Variants in MYH14 observed in about 807,000 individuals in gnomAD.
The protein encoded by MYH14 is myosin-14.
MYH14 carries 123 observed loss-of-function variants against 255.5 expected under a neutral mutation model. The observed-to-expected ratio is 0.48, with a 90% CI of 0.42 to 0.56. The LOEUF (loss-of-function observed/expected upper bound fraction) is 0.56. Among genes scored for constraint, MYH14 ranks in the 20% least tolerant of loss-of-function variants. The pLI is 0.00. For missense variants in MYH14, 2,423 were observed against 2,802.3 expected, an observed-to-expected ratio of 0.86 and a Z score of 3.06; for synonymous variants, 1,095 against 1,161.2, an observed-to-expected ratio of 0.94 and a Z score of 1.16.
chr19:50,238,642 G>A (rs756184877), intron 10 of MYH14, among the ~76,000 whole-genome samples: 7 of 151,962 alleles, frequency 4.6e-5, no homozygotes, highest in Non-Finnish European at 1.0e-4. Context: ...TGGTAGAGTC[G>A]GGGTTCACCA....
At position 50,257,398 on chromosome 19, in the gene MYH14, A is replaced by G. The variant is rs2034631740; in HGVS notation, c.2144A>G (p.Tyr715Cys). 2 of 1,608,350 alleles carry G rather than the reference A, an allele frequency of 1.2e-6. No individual in the cohort carries two copies. The highest frequency in any genetic ancestry group is 1.7e-6 in the Non-Finnish European group (2 of 1,177,384). The change falls in exon 18 of 43, where the codon TAC (tyrosine) becomes TGC (cysteine). Residue 715 changes from tyrosine (Y) to cysteine (C), a missense_variant. By Grantham distance (194) the Tyr-to-Cys change is radical (BLOSUM62 -2). Transcript: ENST00000642316. ...RGMFRTVGQL[Y>C]KESLSRLMAT... Reference sequence around the variant, plus strand: ...ATGTTCCGGACAGTGGGACAGCTCTACAAGGAGTCCCTGAGCCGCCTCATG... The same window carrying G: ...ATGTTCCGGACAGTGGGACAGCTCTGCAAGGAGTCCCTGAGCCGCCTCATG...
At chr19:50,308,337 T>C (rs1285757348) in intron 41 of MYH14, 1 of 152,262 alleles carries the variant, frequency 6.6e-6, no homozygotes, top group African/African-American at 2.4e-5. Flanking sequence ...CTTCCCTCAC[T>C]TTGGCTGCCT....
At chr19:50,235,244 G>A (rs1948063927) in intron 10 of MYH14, among the ~76,000 whole-genome samples, 1 of 151,814 alleles carries the variant, frequency 6.6e-6, no homozygotes, top group South Asian at 2.1e-4. Flanking sequence ...TGTAGTCCCA[G>A]CTACTCAGGA....
At chr19:50,296,400 G>T in intron 39 of MYH14, among the ~76,000 whole-genome samples, 1 of 152,088 alleles carries the variant, frequency 6.6e-6, no homozygotes, top group African/African-American at 2.4e-5. Flanking sequence ...TTGAGCCCAG[G>T]AGTTTGAGAC....
intron 22 of MYH14, among the ~76,000 whole-genome samples, chr19:50,264,586 G>A (rs1362684982): frequency 1.5e-5 from 2 of 137,158 alleles, no homozygotes; most frequent in African/African-American, 2.6e-5. Context: ...AAACAGTGAC[G>A]TCAGTATGCA....
chr19:50,244,214 C>T, intron 10 of MYH14, 28 bp from the exon 11 acceptor site: 1 of 1,606,102 alleles, frequency 6.2e-7, no homozygotes, highest in South Asian at 1.1e-5. Flanking sequence ...TCCAGAGCCA[C>T]ACGTGACCTC....
intron 41 of MYH14, chr19:50,308,804 A>G: frequency 5.0e-6 from 3 of 595,536 alleles, no homozygotes; most frequent in South Asian, 2.4e-5. Context: ...GTAGGAGACA[A>G]CCTGGAGGGG....
In MYH14 at chr19:50,250,322, C is replaced by T. The variant is rs1286607638; in HGVS notation, c.1657-193C>T. 4.1e-5 allele frequency among the ~76,000 whole-genome samples: 6 copies of T among 145,632 alleles called. No individual in the cohort carries two copies. Among genetic ancestry groups the T allele is most frequent in the South Asian group, 2.1e-4 (1 of 4,714 alleles). On this transcript the variant is annotated intron_variant, in intron 14 of 42. Transcript: ENST00000642316. The surrounding 1 kb of genome is among the most constrained non-coding windows in gnomAD (Gnocchi z 5.4). Reference sequence around the variant, plus strand: ...TTCACTGTGTTAGCCAGGATGGTCTCGATCTCCTGACCTCGTGATCTACCC... The same window carrying T: ...TTCACTGTGTTAGCCAGGATGGTCTTGATCTCCTGACCTCGTGATCTACCC...
At chr19:50,228,697 T>C (rs2033228726) in intron 8 of MYH14, among the ~76,000 whole-genome samples, 1 of 152,206 alleles carries the variant, frequency 6.6e-6, no homozygotes. Flanking sequence ...CAAACTGTCC[T>C]GGCACTTGTG....
intron 1 of MYH14, among the ~76,000 whole-genome samples, chr19:50,203,912 C>A (rs1171249556): frequency 6.6e-6 from 1 of 152,168 alleles, no homozygotes; most frequent in Non-Finnish European, 1.5e-5. Context: ...CGGTCGGGGT[C>A]CTCGTTGTCA....
At chr19:50,246,960 C>T (rs1282892929) in intron 11 of MYH14, 44 bp from the exon 12 acceptor site, 1 of 1,423,250 alleles carries the variant, frequency 7.0e-7, no homozygotes, top group Non-Finnish European at 9.8e-7. Flanking sequence ...GCAGCAAGCA[C>T]CTCTTCCCAG....
Position 50,299,666 on chromosome 19 carries a change from C to T in MYH14, c.5470-1995C>T, listed in dbSNP as rs757245654. ...GAGACTTAAAAGACATATATCTGGC[C>T]GGGCGTGATGGCTCACGCCTATAAT... On this transcript the variant is annotated intron_variant, in intron 39 of 42. Coordinates refer to ENST00000642316, the MANE Select transcript of MYH14 (RefSeq NM_001145809.2). 1.3e-3 allele frequency among the ~76,000 whole-genome samples: 199 copies of T among 151,392 alleles called. 2 individuals carry two copies. Among genetic ancestry groups the T allele is most frequent in the Non-Finnish European group, 1.2e-3 (81 of 67,860 alleles).
intron 3 of MYH14, 48 bp from the exon 4 acceptor site, chr19:50,223,035 G>A (rs1238951518): frequency 6.3e-7 from 1 of 1,587,624 alleles, no homozygotes; most frequent in Admixed American, 1.7e-5. Flanking sequence ...AGAGGGCCCT[G>A]CTAGAGACTC....
At chr19:50,302,670 G>T (rs1049110530) in intron 40 of MYH14, among the ~76,000 whole-genome samples, 4 of 152,182 alleles carry the variant, frequency 2.6e-5, no homozygotes, top group African/African-American at 9.6e-5. Context: ...GGAGGCTGAG[G>T]CGGGCAGATC....
intron 24 of MYH14, 38 bp from the exon 25 acceptor site, chr19:50,271,371 G>A: frequency 6.3e-7 from 1 of 1,580,358 alleles, no homozygotes. Context: ...TCCATCTATT[G>A]GCCCAGTATC....
intron 19 of MYH14, 66 bp from the exon 20 acceptor site, chr19:50,260,580 C>T (rs917580751): frequency 4.3e-5 from 50 of 1,155,284 alleles, no homozygotes; most frequent in Non-Finnish European, 5.7e-5. Flanking sequence ...GTGCCTGGCC[C>T]GCAGCAGGCA....
At chr19:50,251,457 CTATA>C (rs752665904) in intron 15 of MYH14, among the ~76,000 whole-genome samples, 12 of 139,078 alleles carry the variant, frequency 8.6e-5, no homozygotes, top group African/African-American at 3.4e-4. Flanking sequence ...GGTTCTATTC[CTATA>C]TATATATACA....
At chr19:50,210,833 C>T (rs2032158239) in intron 2 of MYH14, 63 bp downstream of exon 2, 1 of 1,525,846 alleles carries the variant, frequency 6.6e-7, no homozygotes, top group African/African-American at 1.4e-5. Context: ...GAACCAGGTC[C>T]ACCACCCGGC....
chr19:50,209,852 C>T (rs2032061713), intron 1 of MYH14, among the ~76,000 whole-genome samples: 1 of 149,962 alleles, frequency 6.7e-6, no homozygotes, highest in Admixed American at 6.6e-5. Context: ...AATCCCAGCA[C>T]TTTGGGAGGC....
Sources: gnomAD v4.1 joint callset for allele counts (sites outside exome capture counted in the v4.1 genomes callset) on GRCh38, gnomAD v4.1.1 for gene constraint, Gnocchi (gnomAD v3.1) non-coding constraint, MANE v1.5 for transcripts, NCBI Gene and HGNC (gene_info 2026-07-23, HGNC 2026-07-21) for gene names.